The following MATN4 variants were observed in gnomAD, a reference collection of about 807,000 sequenced individuals.
MATN4 encodes matrilin-4.
Under a neutral mutation model 54.6 loss-of-function variants are expected in MATN4, and 40 were observed. That is an observed-to-expected ratio of 0.73 (90% confidence interval 0.57 to 0.95). MATN4 has a LOEUF of 0.95. Among genes scored for constraint, MATN4 ranks in the 40% least tolerant of loss-of-function variants. The pLI is 0.00. For missense variants in MATN4, 810 were observed against 819.1 expected, an observed-to-expected ratio of 0.99 and a Z score of 0.13; for synonymous variants, 351 against 345.3, an observed-to-expected ratio of 1.02 and a Z score of -0.18.
At position 45,298,394 on chromosome 20, in the gene MATN4, C is replaced by T. The variant is rs534579192; in HGVS notation, c.1202G>A (p.Arg401His). The T allele has an allele frequency of 2.5e-6, 4 of 1,612,334 alleles. No homozygotes were observed. The South Asian group carries it at 3.3e-5, about 13-fold the overall frequency. The change falls in exon 7 of 10, where the codon CGC (arginine) becomes CAC (histidine). Residue 401 changes from arginine to histidine, a missense_variant. By Grantham distance (29) the Arg-to-His change is conservative. Transcript: ENST00000372756. The surrounding 1 kb of genome is among the most constrained non-coding windows in gnomAD (Gnocchi z 4.6). ...CTTCACCTCGGCTGCGGTGCCGTAG[C>T]GACCCAGAGGGAACTCGGTGCGCAC... is the stretch of plus-strand genomic sequence containing the variant. ...SRVRTEFPLG[R>H]YGTAAEVKQA...
chr20:45,306,397 G>T (rs1387877640), intron 1 of MATN4, among the ~76,000 whole-genome samples: 1 of 152,148 alleles, frequency 6.6e-6, no homozygotes, highest in South Asian at 2.1e-4. Context: ...CAGCCTGGGC[G>T]TTTGGTGCCT....
chr20:45,298,185 G>A lies in MATN4; in HGVS notation c.1411C>T (p.Arg471Cys). 6.3e-7 allele frequency: 1 copy of A among 1,598,002 alleles called. No homozygotes were observed. ...CCAAGCCCACCTTCCTCCTTGGCGC[G>A]CGCTGCCCACACCGAGATGTCATCC... is the stretch of plus-strand genomic sequence containing the variant. The part of the protein sequence containing the change: ...SQDDISVWAA[R>C]AKEEGIVMYA... The change falls in exon 7 of 10, where the codon CGC becomes TGC. Residue 471 changes from arginine (R) to cysteine (C), a missense_variant. By Grantham distance (180) the Arg-to-Cys change is radical. Coordinates refer to ENST00000372756, the MANE Select transcript of MATN4 (RefSeq NM_001393530.1). This position sits in a 1 kb window ranked among gnomAD's most constrained non-coding sequence, Gnocchi z 4.6.
chr20:45,302,084 C>A (rs1986270498), intron 3 of MATN4, among the ~76,000 whole-genome samples: 1 of 151,982 alleles, frequency 6.6e-6, no homozygotes, highest in South Asian at 2.1e-4. Flanking sequence ...AGTGTGTAAA[C>A]CAACGAAGAG....
At chr20:45,296,031 C>T (rs537257952) in intron 8 of MATN4, among the ~76,000 whole-genome samples, 4 of 151,550 alleles carry the variant, frequency 2.6e-5, no homozygotes, top group Non-Finnish European at 4.4e-5. Flanking sequence ...CTGGCTAACA[C>T]GGTGAAACCC....
chr20:45,305,627 G>T lies in MATN4; in HGVS notation c.-34-11C>A. On this transcript the variant is annotated splice_polypyrimidine_tract_variant and intron_variant, in intron 1 of 9. Transcript: ENST00000372756. ...TGGAGGTGTCAGAGCCTGGAGGGAG[G>T]AAGGAAAATAGAAAAGCAACAGTAT... 3 of 1,400,618 alleles carry T rather than the reference G, an allele frequency of 2.1e-6. No homozygotes were observed. The highest frequency in any genetic ancestry group is 3.0e-6 in the Non-Finnish European group (3 of 1,009,952). The allele number at this position is 1,400,618 out of a possible 1,614,324, so 86.8% of individuals were successfully genotyped here.
Position 45,308,252 on chromosome 20 carries a change from GT to G in MATN4, c.-113del. 1 of 1,605,694 alleles carries G rather than the reference GT, an allele frequency of 6.2e-7. No individual in the cohort carries two copies. On this transcript the variant is annotated 5_prime_UTR_variant, in exon 1 of 10. Transcript: ENST00000372756. ...GGAGCCTCCCGGGCACTTGGACCAGGTAACGGCGGCGTGGCAGCGTGCCCTA... is the reference window on the plus strand; with the variant it reads ...GGAGCCTCCCGGGCACTTGGACCAGGAACGGCGGCGTGGCAGCGTGCCCTA...
Position 45,305,805 on chromosome 20 carries a change from C to CTTTTTTTTTTTTTTTTTTTTTTTT in MATN4, c.-34-190_-34-189insAAAAAAAAAAAAAAAAAAAAAAAA, listed in dbSNP as rs758735302. On this transcript the variant is annotated intron_variant, in intron 1 of 9. Transcript: ENST00000372756. ...GGATTGCTGGGAAACACAAGAGATT[C>CTTTTTTTTTTTTTTTTTTTTTTTT]TTTTTTTTTTTTTTTTTAGATAGAG... Among the ~76,000 whole-genome samples the CTTTTTTTTTTTTTTTTTTTTTTTT allele has an allele frequency of 1.7e-3, 108 of 64,686 alleles. 42 individuals are homozygous for CTTTTTTTTTTTTTTTTTTTTTTTT. Among genetic ancestry groups the CTTTTTTTTTTTTTTTTTTTTTTTT allele is most frequent in the East Asian group, 0.013 (14 of 1,090 alleles). 42.4% of individuals were successfully genotyped at this position (64,686 alleles called of 152,430 possible).
Position 45,293,948 on chromosome 20 carries a change from C to G in MATN4, c.1647G>C (p.Gln549His). The G allele has an allele frequency of 6.2e-7, 1 of 1,603,196 alleles. No individual in the cohort carries two copies. The stretch of plus-strand genomic sequence containing the variant: ...TCTCGAGCGCCCCCAGCGTGCGGCC[C>G]TGGAACTCCACGAGGCTTTCGCATT... ...PCECESLVEF[Q>H]GRTLGALESL... The change falls in exon 9 of 10, where the codon CAG becomes CAC. Residue 549 changes from glutamine (Q) to histidine (H), a missense_variant. By Grantham distance (24) the Gln-to-His change is conservative. Transcript: ENST00000372756.
At position 45,298,384 on chromosome 20, in the gene MATN4, G is replaced by A. The variant is rs772372562; in HGVS notation, c.1212C>T (p.Thr404=). ...GGACCGCCTGCTTCACCTCGGCTGC[G>A]GTGCCGTAGCGACCCAGAGGGAACT... ...RTEFPLGRYG[T]AAEVKQAVLA... is the part of the protein sequence containing the mutation. The change falls in exon 7 of 10, where the codon ACC becomes ACT. Residue 404 remains threonine (T), a synonymous_variant. Coordinates refer to ENST00000372756, the MANE Select transcript of MATN4 (RefSeq NM_001393530.1). The surrounding 1 kb of genome is among the most constrained non-coding windows in gnomAD (Gnocchi z 4.6). The A allele has an allele frequency of 9.9e-6, 16 of 1,612,232 alleles. No individual in the cohort carries two copies. Among genetic ancestry groups the A allele is most frequent in the Admixed American group, 1.7e-5 (1 of 59,872 alleles).
chr20:45,308,396 C>A (rs2145683582), upstream of MATN4: 2 of 611,674 alleles, frequency 3.3e-6, no homozygotes, highest in East Asian at 5.5e-5. Flanking sequence ...GGAGGGATCC[C>A]CCCTTCCTCC....
In MATN4 at chr20:45,308,194, C is replaced by T. The variant is rs1163712958; in HGVS notation, c.-54G>A. 5.0e-6 allele frequency: 8 copies of T among 1,614,100 alleles called. No individual in the cohort carries two copies. The highest frequency in any genetic ancestry group is 6.8e-6 in the Non-Finnish European group (8 of 1,179,946). On this transcript the variant is annotated 5_prime_UTR_variant, in exon 1 of 10. Transcript: ENST00000372756. ...ACTCACCTGAGCCTGCAGGACAGAT[C>T]AGAGATGCAGCTGCAGAGCGAAGCC...
chr20:45,303,099 A>G (rs921792212), intron 3 of MATN4, among the ~76,000 whole-genome samples: 2 of 143,490 alleles, frequency 1.4e-5, no homozygotes, highest in Admixed American at 6.9e-5. Flanking sequence ...AAAAAAAAAA[A>G]AAAAAGAGAG....
Position 45,300,867 on chromosome 20 carries a change from C to A in MATN4, c.1012+20G>T. ...CAATGGGGCAGAAGCCAACAGAACACCCTCCCGCCCATCACTCACGGTTGC... is the reference window on the plus strand; with the variant it reads ...CAATGGGGCAGAAGCCAACAGAACAACCTCCCGCCCATCACTCACGGTTGC... On this transcript the variant is annotated intron_variant, in intron 6 of 9. Transcript: ENST00000372756. 6.2e-7 allele frequency: 1 copy of A among 1,611,172 alleles called. No individual in the cohort carries two copies. The highest frequency in any genetic ancestry group is 8.5e-7 in the Non-Finnish European group (1 of 1,179,920).
Position 45,294,005 on chromosome 20 carries a change from G to A in MATN4, c.1590C>T (p.Ile530=). The A allele has an allele frequency of 6.2e-7, 1 of 1,601,500 alleles. No homozygotes were observed. The highest frequency in any genetic ancestry group is 8.5e-7 in the Non-Finnish European group (1 of 1,179,454). Residue 530 remains isoleucine (I), a synonymous_variant, in exon 9 of 10, where the codon ATC becomes ATT. Coordinates refer to ENST00000372756, the MANE Select transcript of MATN4 (RefSeq NM_001393530.1). ...GGCTCCGAAGCTCTGTCCCTGCGCT[G>A]ATGCCCTCCTCTGCAAGCCGGACAC... ...LRGSICPEEG[I]SAGTELRSPC...
Position 45,300,895 on chromosome 20 carries a change from C to T in MATN4, c.1004G>A (p.Ser335Asn), listed in dbSNP as rs1182890650. The change falls in exon 6 of 10, where the codon AGC (serine) becomes AAC (asparagine). Residue 335 changes from serine (S) to asparagine (N), a missense_variant. Coordinates refer to ENST00000372756, the MANE Select transcript of MATN4 (RefSeq NM_001393530.1). ...EGRQLQADGK[S>N]CNRCREGHVD... ...TCCCGCCCATCACTCACGGTTGCAG[C>T]TCTTGCCATCTGCCTGAAGTTGCCG... is the stretch of plus-strand genomic sequence containing the variant. 2 of 1,612,830 alleles carry T rather than the reference C, an allele frequency of 1.2e-6. No individual in the cohort carries two copies. Among genetic ancestry groups the T allele is most frequent in the Non-Finnish European group, 1.7e-6 (2 of 1,180,034 alleles).
chr20:45,305,556 C>T lies in MATN4; in HGVS notation c.27G>A (p.Val9=). The change falls in exon 2 of 10, where the codon GTG becomes GTA. Residue 9 remains valine, a synonymous_variant. Coordinates refer to ENST00000372756, the MANE Select transcript of MATN4 (RefSeq NM_001393530.1). MRGLLCWP[V]LLLLLQPWET... ...CCCAGGGCTGAAGAAGGAGCAGCAA[C>T]ACGGGCCAGCAAAGAAGGCCTCTCA... 4 of 1,560,288 alleles carry T rather than the reference C, an allele frequency of 2.6e-6. No homozygotes were observed. In the South Asian group the frequency reaches 4.7e-5, roughly 18 times the overall value.
chr20:45,300,075 C>T (rs983553329), intron 6 of MATN4, among the ~76,000 whole-genome samples: 3 of 151,912 alleles, frequency 2.0e-5, no homozygotes, highest in Admixed American at 2.0e-4. Flanking sequence ...ACCATATCTG[C>T]TGGCACCTTG....
chr20:45,308,358 T>G (rs985940142), upstream of MATN4: 14 of 743,008 alleles, frequency 1.9e-5, no homozygotes, highest in East Asian at 3.7e-4. Context: ...GGAGGGGAAG[T>G]GCAGGCTGCA....
chr20:45,294,583 G>A (rs759177679), intron 8 of MATN4, among the ~76,000 whole-genome samples: 1 of 152,212 alleles, frequency 6.6e-6, no homozygotes, highest in Non-Finnish European at 1.5e-5. Flanking sequence ...TGCTACTAAA[G>A]GACTAAAATG....
Sources: allele counts gnomAD v4.1 joint callset (sites outside exome capture counted in the v4.1 genomes callset), GRCh38; gene constraint gnomAD v4.1.1; non-coding constraint Gnocchi (gnomAD v3.1); transcripts MANE v1.5; gene names NCBI Gene and HGNC (gene_info 2026-07-23, HGNC 2026-07-21).